The following CRYBA4 variants were observed in gnomAD, a reference collection of about 807,000 sequenced individuals.
The protein encoded by CRYBA4 is crystallin beta A4, also known as beta-crystallin A4.
CRYBA4 carries 30 observed loss-of-function variants against 31.7 expected under a neutral mutation model. The ratio of observed to expected loss-of-function variants is 0.95; its 90% CI spans 0.71 to 1.28. CRYBA4 has a LOEUF of 1.28. CRYBA4 is among the 50% of genes most tolerant of loss of function. CRYBA4 has a pLI of 0.00. For synonymous variants in CRYBA4, 102 were observed against 102.3 expected (o/e 1.00, Z 0.02); for missense variants, 225 against 260.7 (o/e 0.86, Z 0.94).
chr22:26,592,804 T>G, the CRYBA4 span, among the ~76,000 whole-genome samples: 227 of 152,242 alleles, frequency 1.5e-3, no homozygotes, highest in African/African-American at 5.4e-3. Context: ...TGGAGGGTGT[T>G]GAAATAATTC....
chr22:26,625,431 C>G (rs975782836), intron 3 of CRYBA4, 50 bp from the exon 4 acceptor site: 1 of 1,603,168 alleles, frequency 6.2e-7, no homozygotes, highest in Non-Finnish European at 8.5e-7. Context: ...GTCTAGAATG[C>G]AGGGTGAGGG....
chr22:26,615,930 G>C, the CRYBA4 span, among the ~76,000 whole-genome samples: 1 of 152,124 alleles, frequency 6.6e-6, no homozygotes, highest in Non-Finnish European at 1.5e-5. Flanking sequence ...GGGAAAAAGA[G>C]AATAGGGACA....
chr22:26,591,607 G>A, the CRYBA4 span, among the ~76,000 whole-genome samples: 550 of 152,012 alleles, frequency 3.6e-3, 4 homozygotes, highest in Non-Finnish European at 5.7e-3. Flanking sequence ...TGGGCATGGT[G>A]GTGCATGCCT....
At chr22:26,623,173 A>G in intron 2 of CRYBA4, 61 bp from the exon 3 acceptor site, 1 of 1,413,280 alleles carries the variant, frequency 7.1e-7, no homozygotes, top group Non-Finnish European at 1.0e-6. Context: ...GCGAGCCCCC[A>G]ACCTCTCACC....
chr22:26,611,973 G>A, the CRYBA4 span: 13 of 862,724 alleles, frequency 1.5e-5, no homozygotes, highest in East Asian at 2.4e-5. Context: ...GAGTACGAAC[G>A]GCCGCAGGCA....
chr22:26,600,268 G>T, the CRYBA4 span, among the ~76,000 whole-genome samples: 1 of 152,100 alleles, frequency 6.6e-6, no homozygotes, highest in African/African-American at 2.4e-5. Flanking sequence ...AGGGTGTGGT[G>T]GTGGGCACCT....
chr22:26,593,351 CT>C, the CRYBA4 span, among the ~76,000 whole-genome samples: 5,117 of 152,236 alleles, frequency 0.034, 152 homozygotes, highest in East Asian at 0.089. Flanking sequence ...AATAATTACA[CT>C]TTAGGCCAGG....
At chr22:26,591,890 TACACACACACACAC>T in the CRYBA4 span, among the ~76,000 whole-genome samples, 5 of 135,956 alleles carry the variant, frequency 3.7e-5, no homozygotes, top group Middle Eastern at 3.7e-3. Flanking sequence ...CCTGGGTGAG[TACACACACACACAC>T]ACACACACAC....
At chr22:26,597,153 G>A in the CRYBA4 span, among the ~76,000 whole-genome samples, 1 of 152,146 alleles carries the variant, frequency 6.6e-6, no homozygotes. Flanking sequence ...ACCACAGGGT[G>A]GGGTGTCATG....
At chr22:26,598,579 T>C in the CRYBA4 span, among the ~76,000 whole-genome samples, 1 of 152,204 alleles carries the variant, frequency 6.6e-6, no homozygotes, top group Non-Finnish European at 1.5e-5. Context: ...AGATGGGGTT[T>C]CGCGATGTTG....
chr22:26,603,751 A>AAATAAT, the CRYBA4 span, among the ~76,000 whole-genome samples: 4 of 149,708 alleles, frequency 2.7e-5, no homozygotes, highest in African/African-American at 9.9e-5. Context: ...TAAAAATACA[A>AAATAAT]AATAATAATA....
chr22:26,608,052 G>A, the CRYBA4 span: 4 of 1,613,866 alleles, frequency 2.5e-6, no homozygotes, highest in Non-Finnish European at 3.4e-6. Flanking sequence ...GAGGCAGACA[G>A]GAGACATATG....
the CRYBA4 span, among the ~76,000 whole-genome samples, chr22:26,601,002 G>A: frequency 2.0e-5 from 3 of 152,192 alleles, no homozygotes; most frequent in Admixed American, 6.5e-5. Context: ...TGTATTCATC[G>A]CTGCTTTCCC....
chr22:26,614,778 A>C, the CRYBA4 span, among the ~76,000 whole-genome samples: 2 of 152,248 alleles, frequency 1.3e-5, no homozygotes, highest in Non-Finnish European at 2.9e-5. Context: ...GTTCGAGACC[A>C]GCCTGGATAA....
At chr22:26,602,951 G>A in the CRYBA4 span, among the ~76,000 whole-genome samples, 89 of 151,166 alleles carry the variant, frequency 5.9e-4, no homozygotes, top group East Asian at 0.01. Context: ...ATGAAACCCC[G>A]TCTCTACTAA....
In CRYBA4 at chr22:26,625,505, C is replaced by G. The variant is rs528221409; in HGVS notation, c.183C>G (p.Gly61=). ...SGAWVGFEHA[G]FQGQQYILER... is the part of the protein sequence containing the mutation. ...GGTGGGTGGGCTTTGAGCATGCTGG[C>G]TTCCAAGGGCAGCAGTACATTCTGG... The change falls in exon 4 of 6, where the codon GGC becomes GGG. Residue 61 remains glycine (G), a synonymous_variant. Transcript: ENST00000354760. 1 of 1,613,924 alleles carries G rather than the reference C, an allele frequency of 6.2e-7. No individual in the cohort carries two copies. The highest frequency in any genetic ancestry group is 1.3e-5 in the African/African-American group (1 of 74,936).
At chr22:26,616,045 G>A in the CRYBA4 span, 1 of 957,104 alleles carries the variant, frequency 1.0e-6, no homozygotes, top group East Asian at 2.4e-5. Flanking sequence ...GGAGGAGTAA[G>A]AGGTGAAAGA....
chr22:26,599,368 A>C, the CRYBA4 span: 1 of 889,450 alleles, frequency 1.1e-6, no homozygotes, highest in South Asian at 1.6e-5. Context: ...CTCAAGGCAC[A>C]CATCTGTTTA....
chr22:26,611,371 C>T, the CRYBA4 span, among the ~76,000 whole-genome samples: 3 of 152,186 alleles, frequency 2.0e-5, no homozygotes, highest in African/African-American at 7.2e-5. Flanking sequence ...TACTCCCAGG[C>T]AGCTGGACGC....
Sources: allele counts gnomAD v4.1 joint callset (sites outside exome capture counted in the v4.1 genomes callset), GRCh38; gene constraint gnomAD v4.1.1; transcripts MANE v1.5; gene names NCBI Gene and HGNC (gene_info 2026-07-23, HGNC 2026-07-21).